The following PDE9A variants were observed in gnomAD, a reference collection of about 807,000 sequenced individuals.
PDE9A encodes phosphodiesterase 9A.
A neutral mutation model predicts 87.4 loss-of-function variants in PDE9A; 60 were observed. The observed-to-expected ratio is 0.69, with a 90% CI of 0.56 to 0.85. The LOEUF is 0.85. Ranked by LOEUF, PDE9A falls within the 40% of genes least tolerant of loss-of-function variation. The pLI, the probability that PDE9A is intolerant of heterozygous loss-of-function variation, is 0.00. For missense variants in PDE9A, 665 were observed against 779.0 expected, an observed-to-expected ratio of 0.85 and a Z score of 1.74; for synonymous variants, 272 against 279.4, an observed-to-expected ratio of 0.97 and a Z score of 0.27.
intron 7 of PDE9A, among the ~76,000 whole-genome samples, 158 bp from the exon 8 acceptor site, chr21:42,743,618 G>A (rs920684211): frequency 6.6e-6 from 1 of 152,220 alleles, no homozygotes; most frequent in African/African-American, 2.4e-5. Flanking sequence ...GGAAGTGCAG[G>A]CAAAACCTGA....
At chr21:42,756,060 T>TAG (rs1444295350) in intron 10 of PDE9A, among the ~76,000 whole-genome samples, 4 of 152,182 alleles carry the variant, frequency 2.6e-5, no homozygotes, top group Non-Finnish European at 5.9e-5. Flanking sequence ...ACAGCTGCTC[T>TAG]CGGGGCTGGC....
rs541199610 is a variant in PDE9A, at chr21:42,705,421, G to A, written c.262+6410G>A. 5.3e-5 allele frequency among the ~76,000 whole-genome samples: 8 copies of A among 152,262 alleles called. No homozygotes were observed. In the East Asian group the frequency reaches 1.2e-3, roughly 22 times the overall value. Reference sequence around the variant, plus strand: ...GATCTCAGCTGATGGCGGTTGACGGGTGTCCCCCGAGTGCCCTCGGCTGCC... The same window carrying A: ...GATCTCAGCTGATGGCGGTTGACGGATGTCCCCCGAGTGCCCTCGGCTGCC... On this transcript the variant is annotated intron_variant, in intron 4 of 19. Transcript: ENST00000291539. This position sits in a 1 kb window ranked among gnomAD's most constrained non-coding sequence, Gnocchi z 4.3.
chr21:42,738,239 T>C (rs2052684775), intron 7 of PDE9A, among the ~76,000 whole-genome samples: 1 of 152,228 alleles, frequency 6.6e-6, no homozygotes, highest in African/African-American at 2.4e-5. Flanking sequence ...ACACAGGCCA[T>C]ACAAACAGCC....
intron 4 of PDE9A, among the ~76,000 whole-genome samples, chr21:42,707,600 G>C (rs757912367): frequency 2.0e-5 from 3 of 151,836 alleles, no homozygotes; most frequent in Admixed American, 1.3e-4. Flanking sequence ...GGCTTCCTGG[G>C]CTGGCCTCCA....
chr21:42,683,547 C>G (rs2059284295), intron 1 of PDE9A, among the ~76,000 whole-genome samples: 1 of 152,184 alleles, frequency 6.6e-6, no homozygotes. Context: ...AAGGATCCCC[C>G]CAGGCCTCCG....
At position 42,687,316 on chromosome 21, in the gene PDE9A, A is replaced by T. The variant is rs182375830; in HGVS notation, c.141-601A>T. On this transcript the variant is annotated intron_variant, in intron 2 of 19. Transcript: ENST00000291539. ...ATCTTTGGGCACCATATATGAAGCA[A>T]TGTGCCAATAAATAAATATATATAC... is the stretch of plus-strand genomic sequence containing the variant. Among the ~76,000 whole-genome samples the T allele has an allele frequency of 2.0e-5, 3 of 152,320 alleles. No individual in the cohort carries two copies. In the East Asian group the frequency reaches 5.8e-4, roughly 29 times the overall value.
chr21:42,770,916 C>A, intron 18 of PDE9A, 118 bp downstream of exon 18: 1 of 711,724 alleles, frequency 1.4e-6, no homozygotes, highest in Non-Finnish European at 2.5e-6. Context: ...GCCCCGTGGA[C>A]AGGCACACGT....
chr21:42,699,569 A>ATTTT (rs1569167797), intron 4 of PDE9A, among the ~76,000 whole-genome samples: 13 of 146,506 alleles, frequency 8.9e-5, no homozygotes, highest in South Asian at 2.2e-4. Flanking sequence ...TTTTTTTTTA[A>ATTTT]AAAAAAACGG....
At chr21:42,693,588 CTTTTTTTTTTT>C (rs371936659) in intron 3 of PDE9A, among the ~76,000 whole-genome samples, 85 of 124,374 alleles carry the variant, frequency 6.8e-4, no homozygotes, top group African/African-American at 2.4e-3. Context: ...CCGCGTCCTA[CTTTTTTTTTTT>C]TTTTTTTTTT....
chr21:42,735,564 G>A (rs8134890), intron 7 of PDE9A, among the ~76,000 whole-genome samples: 436 of 152,302 alleles, frequency 2.9e-3, no homozygotes, highest in African/African-American at 0.01. Context: ...GTGGTTCCCA[G>A]CAATCCTTAC....
At position 42,675,116 on chromosome 21, in the gene PDE9A, TGTAA is replaced by T. The variant is rs1031017954; in HGVS notation, c.70-11073_70-11070del. Among the ~76,000 whole-genome samples the T allele has an allele frequency of 6.6e-5, 10 of 152,342 alleles. No individual in the cohort carries two copies. The highest frequency in any genetic ancestry group is 1.9e-4 in the East Asian group (1 of 5,190). On this transcript the variant is annotated intron_variant, in intron 1 of 19. Transcript: ENST00000291539. This position sits in a 1 kb window ranked among gnomAD's most constrained non-coding sequence, Gnocchi z 4.3. ...GTGCGTTTAGGAGTGTGTAAGTGCG[TGTAA>T]GTGTGTGTCTGGCTTTCTTTCACAT... is the stretch of plus-strand genomic sequence containing the variant.
intron 1 of PDE9A, among the ~76,000 whole-genome samples, chr21:42,670,314 C>CATTCA (rs1569117459): frequency 4.3e-5 from 5 of 116,650 alleles, no homozygotes; most frequent in African/African-American, 2.3e-4. Flanking sequence ...CACTTAGACA[C>CATTCA]CACACTCACA....
At chr21:42,654,604 C>T (rs1447435551) in intron 1 of PDE9A, among the ~76,000 whole-genome samples, 1 of 152,168 alleles carries the variant, frequency 6.6e-6, no homozygotes, top group East Asian at 1.9e-4. Flanking sequence ...GTGAGGAAAT[C>T]CCTCAAACCT....
intron 3 of PDE9A, among the ~76,000 whole-genome samples, chr21:42,693,714 T>C (rs1223301389): frequency 6.7e-6 from 1 of 149,436 alleles, no homozygotes; most frequent in African/African-American, 2.5e-5. Context: ...TGCCTCAGCC[T>C]CCCAAGTAGC....
chr21:42,762,014 T>A, intron 13 of PDE9A, 69 bp from the exon 14 acceptor site: 1 of 1,466,756 alleles, frequency 6.8e-7, no homozygotes, highest in Non-Finnish European at 9.4e-7. Flanking sequence ...CATGGCTGGG[T>A]GTTGCTCCCC....
chr21:42,748,603 G>A (rs2054113252), intron 8 of PDE9A, among the ~76,000 whole-genome samples: 1 of 152,224 alleles, frequency 6.6e-6, no homozygotes, highest in Non-Finnish European at 1.5e-5. Context: ...GCTGAAGGGT[G>A]CACACCGATC....
rs889215340 is a variant in PDE9A, at chr21:42,675,945, C to T, written c.70-10247C>T. 1.5e-4 allele frequency among the ~76,000 whole-genome samples: 23 copies of T among 152,260 alleles called. No homozygotes were observed. In the South Asian group the frequency reaches 2.7e-3, roughly 18 times the overall value. On this transcript the variant is annotated intron_variant, in intron 1 of 19. Coordinates refer to ENST00000291539, the MANE Select transcript of PDE9A (RefSeq NM_002606.3). This position sits in a 1 kb window ranked among gnomAD's most constrained non-coding sequence, Gnocchi z 4.3. ...ACTGGATCGTGGGGTGGGTTTCTCA[C>T]AAATGGTTTAGTGCCATCCCCTTGG...
At chr21:42,742,925 G>C (rs1283599199) in intron 7 of PDE9A, among the ~76,000 whole-genome samples, 1 of 152,154 alleles carries the variant, frequency 6.6e-6, no homozygotes, top group South Asian at 2.1e-4. Context: ...TCAGAATCTC[G>C]TAGTCTCCAG....
rs1278870366 is a variant in PDE9A at position 42,660,910 on chromosome 21, G to A, written c.69+7027G>A. On this transcript the variant is annotated intron_variant, in intron 1 of 19. Coordinates refer to ENST00000291539, the MANE Select transcript of PDE9A (RefSeq NM_002606.3). This position sits in a 1 kb window ranked among gnomAD's most constrained non-coding sequence, Gnocchi z 4.7. ...TGACCACATCTCCCCAAATCCCGAA[G>A]CTGGTCACGCAACGGGAGCATTGGC... Among the ~76,000 whole-genome samples the A allele has an allele frequency of 6.6e-6, 1 of 152,122 alleles. No individual in the cohort carries two copies. Among genetic ancestry groups the A allele is most frequent in the Non-Finnish European group, 1.5e-5 (1 of 68,030 alleles).
Sources: gnomAD v4.1 joint callset for allele counts (sites outside exome capture counted in the v4.1 genomes callset) on GRCh38, gnomAD v4.1.1 for gene constraint, Gnocchi (gnomAD v3.1) non-coding constraint, MANE v1.5 for transcripts, NCBI Gene and HGNC (gene_info 2026-07-23, HGNC 2026-07-21) for gene names.